Variants in SH3GL3 observed in about 807,000 individuals in gnomAD.
SH3GL3 encodes the protein SH3 domain containing GRB2 like 3, endophilin A3.
In SH3GL3, 33 loss-of-function variants were observed where a neutral mutation model predicts 47.7. The ratio of observed to expected loss-of-function variants is 0.69; its 90% CI spans 0.52 to 0.92. The LOEUF is 0.92. SH3GL3 is among the 40% of genes least tolerant of loss of function. SH3GL3 has a pLI of 0.00. For synonymous variants in SH3GL3, 155 were observed against 148.8 expected (o/e 1.04, Z -0.30); for missense variants, 363 against 417.8 (o/e 0.87, Z 1.14).
chr15:83,623,909 C>T, the SH3GL3 span, among the ~76,000 whole-genome samples: 1 of 152,176 alleles, frequency 6.6e-6, no homozygotes, highest in Non-Finnish European at 1.5e-5. Flanking sequence ...CCTCAGCCAC[C>T]TGAGTAGCTG....
chr15:83,618,581 G>A lies in SH3GL3; in HGVS notation c.*294G>A. The A allele has an allele frequency of 2.9e-6, 1 of 350,354 alleles. No individual in the cohort carries two copies. The highest frequency in any genetic ancestry group is 5.4e-5 in the East Asian group (1 of 18,466). 21.7% of individuals were successfully genotyped at this position (350,354 alleles called of 1,614,324 possible). A position where few individuals can be genotyped will look rare whatever the true frequency, so the allele number is the denominator to read the frequency against. ...ACCCATTGCAGTTATGTCAACGAAT[G>A]GCCTATATTCCTCAGCTGCAATGAA... On this transcript the variant is annotated 3_prime_UTR_variant, in exon 9 of 9. Transcript: ENST00000427482.
At chr15:83,571,549 G>C (rs1218765017) in intron 4 of SH3GL3, among the ~76,000 whole-genome samples, 1 of 152,018 alleles carries the variant, frequency 6.6e-6, no homozygotes, top group Non-Finnish European at 1.5e-5. Flanking sequence ...TCCTACTTCT[G>C]TTTTGCAAGG....
At chr15:83,522,197 A>C (rs184180428) in intron 1 of SH3GL3, among the ~76,000 whole-genome samples, 2 of 152,150 alleles carry the variant, frequency 1.3e-5, no homozygotes, top group Admixed American at 6.6e-5. Context: ...ATGTGGGAGA[A>C]GAGTTGAGGG....
chr15:83,573,191 A>T (rs540691609), intron 5 of SH3GL3, among the ~76,000 whole-genome samples: 1 of 152,316 alleles, frequency 6.6e-6, no homozygotes, highest in African/African-American at 2.4e-5. Context: ...TGCCACTTGC[A>T]TGGTGGCATT....
intron 2 of SH3GL3, among the ~76,000 whole-genome samples, chr15:83,559,805 G>C (rs1427722298): frequency 6.6e-6 from 1 of 152,194 alleles, no homozygotes; most frequent in Non-Finnish European, 1.5e-5. Flanking sequence ...ACTTGGATAA[G>C]TGAATTCATC....
At chr15:83,586,217 C>T (rs1481011437) in intron 6 of SH3GL3, among the ~76,000 whole-genome samples, 2 of 152,160 alleles carry the variant, frequency 1.3e-5, no homozygotes, top group African/African-American at 2.4e-5. Context: ...CCCTCAGACA[C>T]GTGGGGGAGC....
intron 1 of SH3GL3, among the ~76,000 whole-genome samples, chr15:83,507,707 G>A (rs184347170): frequency 2.6e-5 from 4 of 152,144 alleles, no homozygotes; most frequent in East Asian, 1.9e-4. Context: ...GAGCCACCGC[G>A]CCTGGCCTCA....
chr15:83,569,191 T>G (rs1204712493), intron 4 of SH3GL3, among the ~76,000 whole-genome samples: 2 of 152,204 alleles, frequency 1.3e-5, no homozygotes, highest in African/African-American at 4.8e-5. Flanking sequence ...GCCACTGCAC[T>G]TGGCTTGTTG....
intron 1 of SH3GL3, among the ~76,000 whole-genome samples, chr15:83,519,527 C>T (rs975341594): frequency 1.3e-5 from 2 of 152,146 alleles, no homozygotes; most frequent in Non-Finnish European, 2.9e-5. Context: ...TATTCTGAAA[C>T]TTTACTGAAG....
chr15:83,550,913 C>T (rs573844349), intron 1 of SH3GL3, among the ~76,000 whole-genome samples: 2 of 152,262 alleles, frequency 1.3e-5, no homozygotes, highest in South Asian at 4.1e-4. Flanking sequence ...TCCTAAGTTA[C>T]AAATTTTGCT....
chr15:83,533,964 C>T (rs542767983), intron 1 of SH3GL3, among the ~76,000 whole-genome samples: 1 of 152,270 alleles, frequency 6.6e-6, no homozygotes, highest in Admixed American at 6.5e-5. Context: ...GAAGTATCTC[C>T]TTAACTTGGG....
chr15:83,585,029 G>A (rs1238951211), intron 6 of SH3GL3, among the ~76,000 whole-genome samples: 1 of 152,186 alleles, frequency 6.6e-6, no homozygotes, highest in Non-Finnish European at 1.5e-5. Flanking sequence ...CCAGCACACA[G>A]CTCAATGCTC....
intron 4 of SH3GL3, among the ~76,000 whole-genome samples, chr15:83,571,712 G>A (rs2045824576): frequency 1.3e-5 from 2 of 152,080 alleles, no homozygotes; most frequent in Admixed American, 1.3e-4. Flanking sequence ...TCTTCTTCAA[G>A]CCTAGAAATG....
At chr15:83,490,646 A>T in intron 1 of SH3GL3, 2 of 875,864 alleles carry the variant, frequency 2.3e-6, no homozygotes. Context: ...GACGGTGGTC[A>T]CTGGCTTTCT....
At chr15:83,575,895 G>A (rs535272645) in intron 5 of SH3GL3, among the ~76,000 whole-genome samples, 2 of 152,132 alleles carry the variant, frequency 1.3e-5, no homozygotes, top group South Asian at 2.1e-4. Context: ...TTTCTGACAC[G>A]GGGTCTCTCT....
rs151200640 is a variant in SH3GL3, at chr15:83,520,189, T to C, written c.46-39064T>C. On this transcript the variant is annotated intron_variant, in intron 1 of 8. Transcript: ENST00000427482. ...AACCCAAATCTTTTATAATGGGCTG[T>C]AAGCTTGCCTGACCTTTGCCCAGAG... Among the ~76,000 whole-genome samples the C allele has an allele frequency of 6.8e-3, 1,029 of 152,320 alleles. 5 individuals carry two copies. The highest frequency in any genetic ancestry group is 0.011 in the Non-Finnish European group (725 of 68,024).
intron 1 of SH3GL3, among the ~76,000 whole-genome samples, chr15:83,547,989 T>C (rs2044487458): frequency 6.6e-6 from 1 of 151,848 alleles, no homozygotes; most frequent in South Asian, 2.1e-4. Flanking sequence ...TTTACTACTC[T>C]AGTAGCTTGC....
chr15:83,576,550 A>T lies in SH3GL3; in HGVS notation c.466-33A>T, dbSNP rs759286529. The T allele has an allele frequency of 5.8e-6, 9 of 1,554,716 alleles. No individual in the cohort carries two copies. The Admixed American group carries it at 1.5e-4, about 26-fold the overall frequency. On this transcript the variant is annotated intron_variant, in intron 5 of 8. Transcript: ENST00000427482. The stretch of plus-strand genomic sequence containing the variant: ...TTTTGTGCCAGGTTTTGAATGTAGC[A>T]CCTCTCTGAGGGACTCCATTCTCTT...
chr15:83,505,349 C>A (rs1393430515), intron 1 of SH3GL3, among the ~76,000 whole-genome samples: 1 of 151,926 alleles, frequency 6.6e-6, no homozygotes, highest in African/African-American at 2.4e-5. Flanking sequence ...ATCTGCAGGA[C>A]GTGAAAGTTC....
Sources: allele counts gnomAD v4.1 joint callset (sites outside exome capture counted in the v4.1 genomes callset), GRCh38; gene constraint gnomAD v4.1.1; transcripts MANE v1.5; gene names NCBI Gene and HGNC (gene_info 2026-07-23, HGNC 2026-07-21).